Variants in EME1 observed in about 807,000 individuals in gnomAD.
EME1 encodes essential meiotic structure-specific endonuclease 1.
Under a neutral mutation model 59.1 loss-of-function variants are expected in EME1, and 61 were observed. The ratio of observed to expected loss-of-function variants is 1.03; its 90% CI spans 0.84 to 1.28. The LOEUF is 1.28. Among genes scored for constraint, EME1 ranks in the 50% most tolerant of loss-of-function variants. The pLI is 0.00. For missense variants in EME1, 635 were observed against 682.6 expected (o/e 0.93, Z 0.78); for synonymous variants, 230 against 254.2 (o/e 0.90, Z 0.90).
chr17:50,379,674 T>C (rs1291690352), intron 7 of EME1, 107 bp downstream of exon 7: 1 of 973,398 alleles, frequency 1.0e-6, no homozygotes, highest in African/African-American at 1.6e-5. Flanking sequence ...GTCAGCCCAT[T>C]GTCTCTCAAG....
Position 50,379,703 on chromosome 17 carries a change from G to A in EME1, c.1346+136G>A. ...TCTCAAGCTTGAGGCAGAAGGAGCT[G>A]ACCTCACACTGGGGATTCTTGGGAA... On this transcript the variant is annotated intron_variant, in intron 7 of 8. Coordinates refer to ENST00000338165, the MANE Select transcript of EME1 (RefSeq NM_152463.4). 5.6e-6 allele frequency: 4 copies of A among 717,464 alleles called. No homozygotes were observed. In the South Asian group the frequency reaches 7.3e-5, roughly 13 times the overall value. 44.4% of individuals were successfully genotyped at this position (717,464 alleles called of 1,614,324 possible). A position where few individuals can be genotyped will look rare whatever the true frequency, so the allele number is the denominator to read the frequency against.
chr17:50,380,800 A>G lies in EME1; in HGVS notation c.1574A>G (p.Asn525Ser). Residue 525 changes from asparagine to serine, a missense_variant, in exon 9 of 9, where the codon AAT becomes AGT. Transcript: ENST00000338165. ...QQCFSDKERQ[N>S]LLADIQVRRG... ...TGTTTTTCGGATAAAGAACGCCAGA[A>G]TTTGCTCGCAGACATACAGGTGCGC... is the stretch of plus-strand genomic sequence containing the variant. The G allele has an allele frequency of 6.2e-7, 1 of 1,614,216 alleles. No homozygotes were observed.
At chr17:50,379,749 T>C in intron 7 of EME1, 182 bp downstream of exon 7, 1 of 581,632 alleles carries the variant, frequency 1.7e-6, no homozygotes, top group Non-Finnish European at 3.1e-6. Flanking sequence ...GCCTAGCGCC[T>C]TTTCAAATAT....
At chr17:50,377,084 G>A (rs1913511117) in intron 3 of EME1, among the ~76,000 whole-genome samples, 1 of 152,092 alleles carries the variant, frequency 6.6e-6, no homozygotes, top group Admixed American at 6.5e-5. Flanking sequence ...GAAGCATCTT[G>A]TATAAAATAA....
chr17:50,380,146 C>G, intron 7 of EME1, 166 bp from the exon 8 acceptor site: 1 of 629,742 alleles, frequency 1.6e-6, no homozygotes, highest in African/African-American at 1.8e-5. Flanking sequence ...GGCCCTATAC[C>G]TGGCAACAAA....
chr17:50,380,528 A>G, intron 8 of EME1, 27 bp downstream of exon 8: 2 of 1,608,290 alleles, frequency 1.2e-6, no homozygotes, highest in Non-Finnish European at 1.7e-6. Flanking sequence ...CTCAGGGGTC[A>G]CTGCCCATTG....
In EME1 at chr17:50,381,040, A is replaced by G; in HGVS notation, c.*101A>G. 1.5e-6 allele frequency: 2 copies of G among 1,324,466 alleles called. No individual in the cohort carries two copies. Among genetic ancestry groups the G allele is most frequent in the East Asian group, 4.7e-5 (2 of 42,130 alleles). The allele number at this position is 1,324,466 out of a possible 1,614,324, so 82.0% of individuals were successfully genotyped here. ...AGACTGGCAGCACCTCCTGGAACACAAGCCTAGGTGAGGCCCAGTCTTTCT... is the reference window on the plus strand; with the variant it reads ...AGACTGGCAGCACCTCCTGGAACACGAGCCTAGGTGAGGCCCAGTCTTTCT... On this transcript the variant is annotated 3_prime_UTR_variant, in exon 9 of 9. Coordinates refer to ENST00000338165, the MANE Select transcript of EME1 (RefSeq NM_152463.4).
rs750416971 is a variant in EME1 at position 50,380,764 on chromosome 17, C to T, written c.1538C>T (p.Ala513Val). 2.5e-6 allele frequency: 4 copies of T among 1,614,064 alleles called. No individual in the cohort carries two copies. Among genetic ancestry groups the T allele is most frequent in the South Asian group, 1.1e-5 (1 of 91,080 alleles). ...AYPSPQLLVQ[A>V]YQQCFSDKER... The stretch of plus-strand genomic sequence containing the variant: ...TAAGAGGTCATCTACCACTTCCAGG[C>T]TTATCAGCAGTGTTTTTCGGATAAA... The change falls in exon 9 of 9, where the codon GCT becomes GTT. Residue 513 changes from alanine (A) to valine (V), a missense_variant and splice_region_variant. Ala to Val is a moderately conservative substitution (Grantham distance 64). Transcript: ENST00000338165.
rs1344000127 is a variant in EME1, at chr17:50,379,531, G to A, written c.1310G>A (p.Cys437Tyr). 2.5e-6 allele frequency: 4 copies of A among 1,614,250 alleles called. No individual in the cohort carries two copies. The highest frequency in any genetic ancestry group is 3.3e-5 in the Admixed American group (2 of 60,024). Residue 437 changes from cysteine (C) to tyrosine (Y), a missense_variant, in exon 7 of 9, where the codon TGC becomes TAC. Transcript: ENST00000338165. ...QSWKELADFT[C>Y]AFTKAVAEAP... ...TGGAAAGAGCTGGCCGACTTCACAT[G>A]CGCATTCACAAAGGCTGTGGCTGAG...
chr17:50,375,706 C>T lies in EME1; in HGVS notation c.498C>T (p.Cys166=), dbSNP rs1913423758. ...ADNKDLILDP[C]CQLPAYLSTC... ...ACAAGGACCTGATCTTAGATCCATG[C>T]TGTCAGCTTCCAGCCTACCTGTCTA... The change falls in exon 2 of 9, where the codon TGC becomes TGT. Residue 166 remains cysteine, a synonymous_variant. Coordinates refer to ENST00000338165, the MANE Select transcript of EME1 (RefSeq NM_152463.4). 6.2e-7 allele frequency: 1 copy of T among 1,613,976 alleles called. No individual in the cohort carries two copies. The highest frequency in any genetic ancestry group is 1.1e-5 in the South Asian group (1 of 91,078).
Position 50,381,091 on chromosome 17 carries a change from C to G in EME1, c.*152C>G. On this transcript the variant is annotated 3_prime_UTR_variant, in exon 9 of 9. Coordinates refer to ENST00000338165, the MANE Select transcript of EME1 (RefSeq NM_152463.4). ...TGGGTCTTATTATTTGTGAAGGTCT[C>G]TCTGCCTGTCGGCTGGGGCAGAGAC... 2 of 807,474 alleles carry G rather than the reference C, an allele frequency of 2.5e-6. No homozygotes were observed. Among genetic ancestry groups the G allele is most frequent in the Non-Finnish European group, 3.8e-6 (2 of 525,744 alleles). 50.0% of individuals were successfully genotyped at this position (807,474 alleles called of 1,614,324 possible). A position where few individuals can be genotyped will look rare whatever the true frequency, so the allele number is the denominator to read the frequency against.
At chr17:50,377,103 AT>A (rs982543789) in intron 3 of EME1, among the ~76,000 whole-genome samples, 10 of 151,766 alleles carry the variant, frequency 6.6e-5, no homozygotes, top group African/African-American at 1.5e-4. Context: ...AAGAAAAAAG[AT>A]TTTTTTTTCC....
intron 3 of EME1, 30 bp from the exon 4 acceptor site, chr17:50,378,564 TC>T: frequency 6.2e-7 from 1 of 1,611,458 alleles, no homozygotes; most frequent in Non-Finnish European, 8.5e-7. Context: ...CTGACCTCCC[TC>T]CCTGTGCTGT....
intron 8 of EME1, 115 bp downstream of exon 8, chr17:50,380,616 AG>A: frequency 6.5e-7 from 1 of 1,527,192 alleles, no homozygotes; most frequent in Non-Finnish European, 8.9e-7. Context: ...TCAGCAGTGC[AG>A]GTCTACTAAG....
Position 50,380,934 on chromosome 17 carries a change from G to A in EME1, c.1708G>A (p.Asp570Asn), listed in dbSNP as rs779411304. The A allele has an allele frequency of 3.1e-6, 5 of 1,614,094 alleles. No homozygotes were observed. The highest frequency in any genetic ancestry group is 4.2e-6 in the Non-Finnish European group (5 of 1,179,996). Residue 570 changes from aspartate to asparagine, a missense_variant, in exon 9 of 9, where the codon GAC becomes AAC. Physicochemically the swap from Asp to Asn is conservative, Grantham distance 23. Transcript: ENST00000338165. The part of the protein sequence containing the change: ...LQPHLSLDSA[D>N] ...GCCACATCTCTCTTTAGATAGTGCT[G>A]ACTGATTCTAGCCCTCAGGGATGAG...
rs1913420520 is a variant in EME1, at chr17:50,375,654, A to T, written c.446A>T (p.Asp149Val). ...FPKIPEVPLH[D>V]TPERSAADNK... ...AAGATCCCTGAAGTTCCCCTCCATG[A>T]TACCCCAGAGAGGAGTGCAGCAGAT... is the stretch of plus-strand genomic sequence containing the variant. The change falls in exon 2 of 9, where the codon GAT becomes GTT. Residue 149 changes from aspartate to valine, a missense_variant. Physicochemically the swap from Asp to Val is radical, Grantham distance 152. Coordinates refer to ENST00000338165, the MANE Select transcript of EME1 (RefSeq NM_152463.4). 6.2e-7 allele frequency: 1 copy of T among 1,614,102 alleles called. No homozygotes were observed.
At chr17:50,374,852 AAAAG>A (rs1464543144) in intron 1 of EME1, among the ~76,000 whole-genome samples, 4 of 152,102 alleles carry the variant, frequency 2.6e-5, no homozygotes, top group Non-Finnish European at 4.4e-5. Context: ...TCAAAAAAAA[AAAAG>A]AAGAACTTTT....
chr17:50,381,216 A>C lies in EME1; in HGVS notation c.*277A>C, dbSNP rs1219661173. On this transcript the variant is annotated 3_prime_UTR_variant, in exon 9 of 9. Transcript: ENST00000338165. ...CCCACTCCTACCCAGCCAGCCCTCA[A>C]AACACAAAGGAACAAAGACAGTCCA... 4 of 428,112 alleles carry C rather than the reference A, an allele frequency of 9.3e-6. No individual in the cohort carries two copies. In the East Asian group the frequency reaches 1.6e-4, roughly 17 times the overall value. 26.5% of individuals were successfully genotyped at this position (428,112 alleles called of 1,614,324 possible). A position where few individuals can be genotyped will look rare whatever the true frequency, so the allele number is the denominator to read the frequency against.
At position 50,377,760 on chromosome 17, in the gene EME1, C is replaced by CT. The variant is rs530008233; in HGVS notation, c.904-822dup. On this transcript the variant is annotated intron_variant, in intron 3 of 8. Coordinates refer to ENST00000338165, the MANE Select transcript of EME1 (RefSeq NM_152463.4). ...AACTTGCTATGTTCCTTTTTTCTCT[C>CT]TTTTTTTTTTTTTGAGACAGAGTTT... Among the ~76,000 whole-genome samples, 575 of 145,506 alleles carry CT rather than the reference C, an allele frequency of 4.0e-3. 3 individuals carry two copies. Among genetic ancestry groups the CT allele is most frequent in the African/African-American group, 0.01 (415 of 39,884 alleles).
Sources: allele counts gnomAD v4.1 joint callset (sites outside exome capture counted in the v4.1 genomes callset), GRCh38; gene constraint gnomAD v4.1.1; transcripts MANE v1.5; gene names NCBI Gene and HGNC (gene_info 2026-07-23, HGNC 2026-07-21).